PCSK6: variants seen among roughly 807,000 people sequenced by gnomAD.
PCSK6 encodes proprotein convertase subtilisin/kexin type 6.
PCSK6 carries 85 observed loss-of-function variants against 123.3 expected under a neutral mutation model. The ratio of observed to expected loss-of-function variants is 0.69; its 90% CI spans 0.58 to 0.83. The LOEUF is 0.83. Ranked by LOEUF, PCSK6 falls within the 40% of genes least tolerant of loss-of-function variation. The pLI, the probability that PCSK6 is intolerant of heterozygous loss-of-function variation, is 0.00. For synonymous variants in PCSK6, 508 were observed against 516.0 expected, an observed-to-expected ratio of 0.98 and a Z score of 0.21; for missense variants, 1,191 against 1,282.3, an observed-to-expected ratio of 0.93 and a Z score of 1.09.
At chr15:101,406,019 A>G (rs2042767053) in intron 6 of PCSK6, among the ~76,000 whole-genome samples, 1 of 152,248 alleles carries the variant, frequency 6.6e-6, no homozygotes, top group African/African-American at 2.4e-5. Context: ...CTGGGATTAC[A>G]GGTATGAACC....
Position 101,305,246 on chromosome 15 carries a change from A to G in PCSK6, c.*12T>C. ...ATGGGAGTGCCTGCCCTCTGTGGGC[A>G]GCTAGGCACCCTTACCCGGCCAGGA... On this transcript the variant is annotated 3_prime_UTR_variant, in exon 22 of 22. Transcript: ENST00000611716. The surrounding 1 kb of genome is among the most constrained non-coding windows in gnomAD (Gnocchi z 4.8). The G allele has an allele frequency of 6.2e-7, 1 of 1,602,830 alleles. No individual in the cohort carries two copies. The highest frequency in any genetic ancestry group is 8.5e-7 in the Non-Finnish European group (1 of 1,174,552).
intron 1 of PCSK6, among the ~76,000 whole-genome samples, chr15:101,489,050 G>A (rs945187706): frequency 2.0e-5 from 3 of 149,706 alleles, no homozygotes; most frequent in Non-Finnish European, 4.5e-5. Context: ...AGGTGTCCGC[G>A]CCGCCCCGGC....
intron 1 of PCSK6, among the ~76,000 whole-genome samples, chr15:101,488,565 T>G (rs573167752): frequency 6.6e-6 from 1 of 152,046 alleles, no homozygotes; most frequent in Non-Finnish European, 1.5e-5. Context: ...CAACGCAGCA[T>G]TAGATCTTTC....
At chr15:101,392,425 T>G (rs1310762675) in intron 8 of PCSK6, among the ~76,000 whole-genome samples, 2 of 152,078 alleles carry the variant, frequency 1.3e-5, no homozygotes, top group East Asian at 1.9e-4. Flanking sequence ...GCAAATAACT[T>G]CGAAAGATGT....
intron 4 of PCSK6, 55 bp from the exon 5 acceptor site, chr15:101,430,118 G>C: frequency 4.2e-6 from 6 of 1,433,046 alleles, no homozygotes; most frequent in Middle Eastern, 1.7e-4. Context: ...AGCTCTGTTT[G>C]AAATGGATTT....
At chr15:101,486,113 G>A (rs2058016210) in intron 1 of PCSK6, among the ~76,000 whole-genome samples, 1 of 151,898 alleles carries the variant, frequency 6.6e-6, no homozygotes. Context: ...ACCGGCATGT[G>A]TCACCAAGCC....
intron 6 of PCSK6, among the ~76,000 whole-genome samples, chr15:101,423,627 A>G (rs1363752596): frequency 1.3e-5 from 2 of 152,190 alleles, no homozygotes; most frequent in Non-Finnish European, 2.9e-5. Context: ...TTGAAGTTCA[A>G]TAAAAATCAT....
intron 12 of PCSK6, among the ~76,000 whole-genome samples, chr15:101,368,838 G>C (rs1214920517): frequency 6.6e-6 from 1 of 152,164 alleles, no homozygotes; most frequent in East Asian, 1.9e-4. Context: ...TCCAAGAAAT[G>C]CCAGAAATGA....
intron 13 of PCSK6, among the ~76,000 whole-genome samples, chr15:101,355,527 C>T (rs911296342): frequency 6.6e-6 from 1 of 152,224 alleles, no homozygotes; most frequent in Admixed American, 6.5e-5. Flanking sequence ...GCACACTCAG[C>T]TGGGCTCTTG....
chr15:101,311,285 A>ATT (rs71154317), intron 20 of PCSK6, among the ~76,000 whole-genome samples: 3,613 of 114,906 alleles, frequency 0.031, 202 homozygotes, highest in African/African-American at 0.11. Flanking sequence ...TAATTTTTGC[A>ATT]TTTTTTTTTT....
chr15:101,384,508 G>T, intron 9 of PCSK6, 83 bp from the exon 10 acceptor site: 1 of 1,111,706 alleles, frequency 9.0e-7, no homozygotes, highest in Non-Finnish European at 1.3e-6. Flanking sequence ...GGGGTCGGCA[G>T]CCAACCCACG....
chr15:101,426,208 A>G (rs2056249736), intron 6 of PCSK6, among the ~76,000 whole-genome samples: 2 of 152,194 alleles, frequency 1.3e-5, no homozygotes, highest in African/African-American at 4.8e-5. Context: ...CTGCAGACTT[A>G]GCCCAAGCCG....
At chr15:101,422,055 C>G (rs2056100225) in intron 6 of PCSK6, among the ~76,000 whole-genome samples, 1 of 152,158 alleles carries the variant, frequency 6.6e-6, no homozygotes, top group Non-Finnish European at 1.5e-5. Context: ...TCTTGACAAA[C>G]CATACTGGGT....
chr15:101,393,495 A>G (rs903085799), intron 7 of PCSK6, 71 bp from the exon 8 acceptor site: 1 of 1,180,632 alleles, frequency 8.5e-7, no homozygotes, highest in Non-Finnish European at 1.2e-6. Flanking sequence ...CCCCGAACCT[A>G]GAGTCCCATC....
At chr15:101,352,164 T>TTTA in intron 13 of PCSK6, among the ~76,000 whole-genome samples, 1 of 142,182 alleles carries the variant, frequency 7.0e-6, no homozygotes, top group Non-Finnish European at 1.5e-5. Flanking sequence ...TTTTTTTTTT[T>TTTA]ACAGACGGGG....
chr15:101,355,767 C>T (rs904996384), intron 13 of PCSK6, among the ~76,000 whole-genome samples: 1 of 152,252 alleles, frequency 6.6e-6, no homozygotes, highest in African/African-American at 2.4e-5. Flanking sequence ...AGGGACCTTC[C>T]TGCACCTGAG....
chr15:101,418,850 C>T (rs1443587818), intron 6 of PCSK6, among the ~76,000 whole-genome samples: 1 of 152,136 alleles, frequency 6.6e-6, no homozygotes, highest in Non-Finnish European at 1.5e-5. Flanking sequence ...TATTACACTA[C>T]ACAGATTAAA....
rs371455660 is a variant in PCSK6 at position 101,307,272 on chromosome 15, C to A, written c.2753G>T (p.Cys918Phe). Residue 918 changes from cysteine (C) to phenylalanine (F), a missense_variant, in exon 21 of 22, where the codon TGT (cysteine) becomes TTT (phenylalanine). Around this residue, in one of 3 missense-constraint regions of PCSK6, gnomAD observed 630 missense variants for 631.4 expected, o/e 1.00. Transcript: ENST00000611716. ...CCCCAGCTGTGTGAAGCCCGTCTTA[C>A]ACCTGCTACAGTTCCTGCTGGAGCC... ...CAGSSRNCSR[C>F]KTGFTQLGTS... 1 of 1,613,858 alleles carries A rather than the reference C, an allele frequency of 6.2e-7. No homozygotes were observed. Among genetic ancestry groups the A allele is most frequent in the Admixed American group, 1.7e-5 (1 of 60,012 alleles).
At chr15:101,391,500 G>A (rs904484118) in intron 8 of PCSK6, among the ~76,000 whole-genome samples, 2 of 152,206 alleles carry the variant, frequency 1.3e-5, no homozygotes, top group Admixed American at 6.5e-5. Context: ...GACACAGCTC[G>A]TGTTCAGTGA....
Sources: gnomAD v4.1 joint callset for allele counts (sites outside exome capture counted in the v4.1 genomes callset) on GRCh38, gnomAD v4.1.1 for gene constraint, gnomAD v4.1.1 regional missense constraint, Gnocchi (gnomAD v3.1) non-coding constraint, MANE v1.5 for transcripts, NCBI Gene and HGNC (gene_info 2026-07-23, HGNC 2026-07-21) for gene names.